DPYSL5: variants seen among roughly 807,000 people sequenced by gnomAD.
DPYSL5 encodes the protein dihydropyrimidinase-related protein 5.
DPYSL5 carries 9 observed loss-of-function variants against 58.4 expected under a neutral mutation model. That is an observed-to-expected ratio of 0.15 (90% CI 0.09 to 0.27). DPYSL5 has a LOEUF of 0.27. Ranked by LOEUF, DPYSL5 falls within the 10% of genes least tolerant of loss-of-function variation. The pLI is 1.00. For missense variants in DPYSL5, 499 were observed against 770.6 expected (o/e 0.65, Z 4.17); for synonymous variants, 293 against 301.9 (o/e 0.97, Z 0.31).
chr2:26,884,282 G>T (rs1663651681), intron 1 of DPYSL5, among the ~76,000 whole-genome samples: 1 of 152,152 alleles, frequency 6.6e-6, no homozygotes, highest in African/African-American at 2.4e-5. Flanking sequence ...ACACCTGTCT[G>T]TCCTTCTTCC....
intron 1 of DPYSL5, among the ~76,000 whole-genome samples, chr2:26,882,439 G>C (rs924656907): frequency 6.6e-6 from 1 of 151,326 alleles, no homozygotes; most frequent in Non-Finnish European, 1.5e-5. Flanking sequence ...CTGTGTGTGT[G>C]TGTGTGTGTG....
intron 5 of DPYSL5, among the ~76,000 whole-genome samples, chr2:26,931,169 ATGTGTGTGTGTGTGTGTG>A (rs1324624030): frequency 2.2e-5 from 1 of 45,700 alleles, no homozygotes; most frequent in African/African-American, 7.0e-5. Context: ...ATATATATAT[ATGTGTGTGTGTGTGTGTG>A]TGTGTGTGTG....
chr2:26,913,408 A>T (rs1432010856), intron 2 of DPYSL5, among the ~76,000 whole-genome samples: 1 of 152,190 alleles, frequency 6.6e-6, no homozygotes, highest in Non-Finnish European at 1.5e-5. Context: ...TAAGGTCCTC[A>T]AGATTCATTC....
At chr2:26,891,662 TAATA>T (rs1351226860) in intron 1 of DPYSL5, among the ~76,000 whole-genome samples, 1 of 152,078 alleles carries the variant, frequency 6.6e-6, no homozygotes, top group Non-Finnish European at 1.5e-5. Context: ...TCTTTTTAGT[TAATA>T]AATAAATAAA....
Position 26,942,931 on chromosome 2 carries a change from C to CTGA in DPYSL5, c.1440+183_1440+185dup. On this transcript the variant is annotated intron_variant, in intron 11 of 12. Coordinates refer to ENST00000288699, the MANE Select transcript of DPYSL5 (RefSeq NM_020134.4). This position sits in a 1 kb window ranked among gnomAD's most constrained non-coding sequence, Gnocchi z 5.9. ...CAGGGAACGCTAGAGTCAGAAAATG[C>CTGA]TGATTTCTGTTCCCCGTCTTTGATT... 6.6e-6 allele frequency among the ~76,000 whole-genome samples: 1 copy of CTGA among 152,362 alleles called. No homozygotes were observed.
chr2:26,884,968 G>T (rs911372005), intron 1 of DPYSL5, among the ~76,000 whole-genome samples: 1 of 152,162 alleles, frequency 6.6e-6, no homozygotes, highest in Non-Finnish European at 1.5e-5. Context: ...GGAGGCTGAG[G>T]CAGGCGGATC....
At chr2:26,931,544 A>C in intron 5 of DPYSL5, 96 bp from the exon 6 acceptor site, 2 of 1,502,352 alleles carry the variant, frequency 1.3e-6, no homozygotes, top group East Asian at 2.3e-5. Context: ...GCCAACCCCT[A>C]TGGGTGCAGT....
chr2:26,922,854 G>A (rs996607553), intron 2 of DPYSL5, among the ~76,000 whole-genome samples: 10 of 152,052 alleles, frequency 6.6e-5, no homozygotes, highest in African/African-American at 1.4e-4. Flanking sequence ...TTCCTCTGCC[G>A]CCCCCATCAC....
intron 1 of DPYSL5, among the ~76,000 whole-genome samples, chr2:26,853,969 G>A (rs1199421134): frequency 6.6e-6 from 1 of 152,044 alleles, no homozygotes; most frequent in Non-Finnish European, 1.5e-5. Flanking sequence ...GGGCCTTGGA[G>A]GTCAAGGCTG....
In DPYSL5 at chr2:26,934,861, A is replaced by G; in HGVS notation, c.947+127A>G. On this transcript the variant is annotated intron_variant, in intron 8 of 12. Transcript: ENST00000288699. This position sits in a 1 kb window ranked among gnomAD's most constrained non-coding sequence, Gnocchi z 4.3. ...CCCATAGGATCATTGTGCTTTTCTT[A>G]CCTTCTCTGAGCCCATCAGATAATT... is the stretch of plus-strand genomic sequence containing the variant. 5 of 1,287,916 alleles carry G rather than the reference A, an allele frequency of 3.9e-6. No homozygotes were observed. In the South Asian group the frequency reaches 6.9e-5, roughly 18 times the overall value. The allele number at this position is 1,287,916 out of a possible 1,614,324, so 79.8% of individuals were successfully genotyped here.
At position 26,933,115 on chromosome 2, in the gene DPYSL5, G is replaced by A. The variant is rs555545922; in HGVS notation, c.715-143G>A. 1.5e-4 allele frequency: 110 copies of A among 729,114 alleles called. No individual in the cohort carries two copies. The highest frequency in any genetic ancestry group is 9.9e-4 in the South Asian group (63 of 63,720). 45.2% of individuals were successfully genotyped at this position (729,114 alleles called of 1,614,324 possible). ...CCTGACTGCCAGCCCTGCATTCTCC[G>A]CTTAAGGACTGTCACCTTGAGGGTG... On this transcript the variant is annotated intron_variant, in intron 6 of 12. Transcript: ENST00000288699. This position sits in a 1 kb window ranked among gnomAD's most constrained non-coding sequence, Gnocchi z 4.2.
intron 9 of DPYSL5, 121 bp downstream of exon 9, chr2:26,940,293 C>T (rs186177301): frequency 2.4e-6 from 3 of 1,228,630 alleles, no homozygotes; most frequent in Non-Finnish European, 3.3e-6. Flanking sequence ...CTTAGAAGGG[C>T]TGGTTCAATC....
intron 2 of DPYSL5, among the ~76,000 whole-genome samples, chr2:26,909,648 AC>A (rs1664381307): frequency 1.3e-5 from 2 of 151,958 alleles, no homozygotes; most frequent in South Asian, 4.2e-4. Context: ...GTACCTATAG[AC>A]CTAGCTACTA....
chr2:26,863,349 TG>T lies in DPYSL5; in HGVS notation c.-5+15096del, dbSNP rs1306308031. Among the ~76,000 whole-genome samples, 14 of 152,356 alleles carry T rather than the reference TG, an allele frequency of 9.2e-5. No individual in the cohort carries two copies. The East Asian group carries it at 2.7e-3, about 29-fold the overall frequency. On this transcript the variant is annotated intron_variant, in intron 1 of 12. Coordinates refer to ENST00000288699, the MANE Select transcript of DPYSL5 (RefSeq NM_020134.4). ...CCAGGAGTGTGGGACAGTCTTGACC[TG>T]CCCCCCAGGCATGTACCTATTTTCT...
intron 2 of DPYSL5, among the ~76,000 whole-genome samples, chr2:26,916,984 C>T (rs1664579463): frequency 6.6e-6 from 1 of 152,196 alleles, no homozygotes; most frequent in Non-Finnish European, 1.5e-5. Flanking sequence ...TGAATATTTA[C>T]TGGGCTCCTA....
intron 1 of DPYSL5, among the ~76,000 whole-genome samples, chr2:26,878,404 T>C (rs951558851): frequency 5.9e-5 from 9 of 152,206 alleles, no homozygotes; most frequent in African/African-American, 1.9e-4. Flanking sequence ...TCCTTGGTTA[T>C]ATGATACACA....
At chr2:26,865,343 C>T (rs1395485876) in intron 1 of DPYSL5, among the ~76,000 whole-genome samples, 3 of 112,398 alleles carry the variant, frequency 2.7e-5, no homozygotes, top group East Asian at 2.8e-4. Context: ...TTTTTTAAGA[C>T]GAAGTCTTGC....
intron 8 of DPYSL5, among the ~76,000 whole-genome samples, chr2:26,937,367 A>G (rs989370152): frequency 1.3e-5 from 2 of 152,076 alleles, no homozygotes; most frequent in African/African-American, 4.8e-5. Context: ...GTGCTACTTT[A>G]TAGGATTTGG....
intron 2 of DPYSL5, among the ~76,000 whole-genome samples, chr2:26,899,904 T>C (rs570522139): frequency 1.3e-5 from 2 of 152,292 alleles, no homozygotes; most frequent in Non-Finnish European, 2.9e-5. Flanking sequence ...CTGCAACTGA[T>C]GTTTTGATTA....
Sources: allele counts gnomAD v4.1 joint callset (sites outside exome capture counted in the v4.1 genomes callset), GRCh38; gene constraint gnomAD v4.1.1; non-coding constraint Gnocchi (gnomAD v3.1); transcripts MANE v1.5; gene names NCBI Gene and HGNC (gene_info 2026-07-23, HGNC 2026-07-21).